PRIM2: variants seen among roughly 807,000 people sequenced by gnomAD.
PRIM2 encodes DNA primase subunit 2.
A neutral mutation model predicts 67.3 loss-of-function variants in PRIM2; 39 were observed. That is an observed-to-expected ratio of 0.58 (90% CI 0.45 to 0.76). The LOEUF (loss-of-function observed/expected upper bound fraction) is 0.76, where lower values mean the gene tolerates loss of function less well. Among genes scored for constraint, PRIM2 ranks in the 30% least tolerant of loss-of-function variants. The pLI is 0.00. For missense variants in PRIM2, 398 were observed against 598.7 expected (o/e 0.66, Z 3.50); for synonymous variants, 143 against 198.7 (o/e 0.72, Z 2.36).
At chr6:57,455,640 T>TGG (rs1772743922) in intron 7 of PRIM2, among the ~76,000 whole-genome samples, 1 of 152,198 alleles carries the variant, frequency 6.6e-6, no homozygotes, top group East Asian at 1.9e-4. Flanking sequence ...ATTTGCTTGG[T>TGG]AGATCTTCCT....
At chr6:57,410,331 C>CAAAA (rs66631802) in intron 7 of PRIM2, among the ~76,000 whole-genome samples, 16 of 105,300 alleles carry the variant, frequency 1.5e-4, no homozygotes, top group South Asian at 6.7e-4. Context: ...AACGCCATCT[C>CAAAA]AAAAAAAAAA....
intron 10 of PRIM2, among the ~76,000 whole-genome samples, chr6:57,578,852 A>G (rs1776019874): frequency 6.6e-6 from 1 of 150,468 alleles, no homozygotes; most frequent in African/African-American, 2.4e-5. Context: ...AATTTTTTGT[A>G]TTTTTAGTAG....
At chr6:57,414,243 C>A (rs1206116953) in intron 7 of PRIM2, among the ~76,000 whole-genome samples, 2 of 152,044 alleles carry the variant, frequency 1.3e-5, no homozygotes, top group Non-Finnish European at 2.9e-5. Flanking sequence ...TCAAAGGATG[C>A]ACAAATGATA....
intron 7 of PRIM2, among the ~76,000 whole-genome samples, chr6:57,439,270 A>G (rs1422294629): frequency 1.3e-5 from 2 of 152,062 alleles, no homozygotes; most frequent in East Asian, 3.9e-4. Flanking sequence ...TTTTTATTTA[A>G]TTGAATCTAA....
At chr6:57,448,456 T>A (rs1048547013) in intron 7 of PRIM2, among the ~76,000 whole-genome samples, 19 of 152,156 alleles carry the variant, frequency 1.2e-4, no homozygotes, top group African/African-American at 4.3e-4. Flanking sequence ...CCAATATGAG[T>A]GAGCATGGCC....
In PRIM2 at chr6:57,570,966, A is replaced by G. The variant is rs1190833314; in HGVS notation, c.1021-30127A>G. Among the ~76,000 whole-genome samples the G allele has an allele frequency of 5.3e-3, 804 of 152,304 alleles. 13 individuals are homozygous for G. The highest frequency in any genetic ancestry group is 0.019 in the African/African-American group (770 of 41,558). ...ATTTTTTTGCCAGCAAGATATGCAC[A>G]GGGGCAATTTACACATAGAATTTTA... On this transcript the variant is annotated intron_variant, in intron 10 of 13. Coordinates refer to ENST00000615550, the MANE Select transcript of PRIM2 (RefSeq NM_000947.5).
intron 10 of PRIM2, among the ~76,000 whole-genome samples, chr6:57,596,970 A>G (rs1486321841): frequency 1.3e-5 from 2 of 151,828 alleles, no homozygotes; most frequent in African/African-American, 4.8e-5. Flanking sequence ...CCCTTGAAGC[A>G]TATTTATACA....
Position 57,459,109 on chromosome 6 carries a change from C to T in PRIM2, c.694-48278C>T, listed in dbSNP as rs1271188899. Among the ~76,000 whole-genome samples the T allele has an allele frequency of 2.6e-5, 4 of 152,260 alleles. 1 individual carries two copies. The East Asian group carries it at 7.7e-4, about 29-fold the overall frequency. On this transcript the variant is annotated intron_variant, in intron 7 of 13. Transcript: ENST00000615550. ...CCACCTGGGCTGAGTGTTAAGTATGCTTGTTTTGTGATTTTTGCATCAGTT... is the reference window on the plus strand; with the variant it reads ...CCACCTGGGCTGAGTGTTAAGTATGTTTGTTTTGTGATTTTTGCATCAGTT...
At chr6:57,605,213 G>T (rs1776538357) in intron 11 of PRIM2, among the ~76,000 whole-genome samples, 1 of 152,312 alleles carries the variant, frequency 6.6e-6, no homozygotes, top group African/African-American at 2.4e-5. Context: ...GGTCATCAGA[G>T]ATATTGGCCA....
At chr6:57,512,433 C>G (rs1774390191) in intron 8 of PRIM2, among the ~76,000 whole-genome samples, 1 of 152,074 alleles carries the variant, frequency 6.6e-6, no homozygotes, top group African/African-American at 2.4e-5. Flanking sequence ...GCCAGGAAAT[C>G]AAACTGACTG....
At chr6:57,222,622 A>C in the PRIM2 span, among the ~76,000 whole-genome samples, 122 of 152,366 alleles carry the variant, frequency 8.0e-4, 1 homozygote, top group East Asian at 0.014. Flanking sequence ...TGAGCAAAAA[A>C]ATGTCGAGCA....
At chr6:57,355,683 A>T (rs933254666) in intron 5 of PRIM2, among the ~76,000 whole-genome samples, 1 of 151,976 alleles carries the variant, frequency 6.6e-6, no homozygotes, top group African/African-American at 2.4e-5. Context: ...GTCTCATTCT[A>T]TTGCCCAGGC....
At chr6:57,273,474 C>T in the PRIM2 span, among the ~76,000 whole-genome samples, 1 of 152,176 alleles carries the variant, frequency 6.6e-6, no homozygotes, top group South Asian at 2.1e-4. Flanking sequence ...GTTTTCAGCT[C>T]CATCACATCC....
chr6:57,265,574 A>G, the PRIM2 span, among the ~76,000 whole-genome samples: 4 of 152,216 alleles, frequency 2.6e-5, no homozygotes, highest in African/African-American at 9.6e-5. Flanking sequence ...GACTTTGACA[A>G]TTCTAGGGAA....
At chr6:57,389,848 G>T (rs1770271735) in intron 7 of PRIM2, among the ~76,000 whole-genome samples, 1 of 152,002 alleles carries the variant, frequency 6.6e-6, no homozygotes, top group Admixed American at 6.6e-5. Context: ...ACTTAGTTGG[G>T]AATCATATAG....
intron 5 of PRIM2, among the ~76,000 whole-genome samples, chr6:57,332,964 T>C (rs1168707659): frequency 6.6e-6 from 1 of 152,194 alleles, no homozygotes; most frequent in Non-Finnish European, 1.5e-5. Flanking sequence ...TACTGCCTTC[T>C]TTGTATTAAA....
At chr6:57,343,349 A>G (rs1768558486) in intron 5 of PRIM2, among the ~76,000 whole-genome samples, 1 of 152,228 alleles carries the variant, frequency 6.6e-6, no homozygotes, top group Admixed American at 6.5e-5. Context: ...ATTGATATAC[A>G]TGACTCTCTT....
At chr6:57,569,955 G>C (rs1190981771) in intron 10 of PRIM2, among the ~76,000 whole-genome samples, 1 of 152,208 alleles carries the variant, frequency 6.6e-6, no homozygotes, top group East Asian at 1.9e-4. Context: ...TGTTAGCCAG[G>C]ATGGTCTCGA....
At chr6:57,611,578 C>G (rs1776666891) in intron 12 of PRIM2, among the ~76,000 whole-genome samples, 1 of 152,022 alleles carries the variant, frequency 6.6e-6, no homozygotes, top group South Asian at 2.1e-4. Flanking sequence ...AGATCTAGAA[C>G]AATTGGATAT....
Sources: gnomAD v4.1 joint callset for allele counts (sites outside exome capture counted in the v4.1 genomes callset) on GRCh38, gnomAD v4.1.1 for gene constraint, MANE v1.5 for transcripts, NCBI Gene and HGNC (gene_info 2026-07-23, HGNC 2026-07-21) for gene names.